Variants in CNTNAP3B observed in about 807,000 individuals in gnomAD.
The protein encoded by CNTNAP3B is contactin associated protein family member 3B, also known as contactin-associated protein-like 3B.
In CNTNAP3B, 25 loss-of-function variants were observed where a neutral mutation model predicts 108.9. The observed-to-expected ratio is 0.23, with a 90% confidence interval of 0.17 to 0.32. CNTNAP3B has a LOEUF of 0.32. CNTNAP3B is among the 10% of genes least tolerant of loss of function. The pLI is 1.00. For synonymous variants in CNTNAP3B, 103 were observed against 473.4 expected (o/e 0.22, Z 10.16); for missense variants, 252 against 1,210.4 (o/e 0.21, Z 11.75).
In CNTNAP3B at chr9:42,095,563, G is replaced by A. The variant is rs1425092073; in HGVS notation, c.196+9066C>T. 8.6e-4 allele frequency among the ~76,000 whole-genome samples: 119 copies of A among 138,222 alleles called. 18 individuals carry two copies. The highest frequency in any genetic ancestry group is 1.5e-4 in the African/African-American group (5 of 34,444). 90.7% of individuals were successfully genotyped at this position (138,222 alleles called of 152,430 possible). A position where few individuals can be genotyped will look rare whatever the true frequency, so the allele number is the denominator to read the frequency against. ...TGACAAAAGCCACTTGAGCAAATCC[G>A]TCAGAATCATTCTGCAGGTATAAAT... On this transcript the variant is annotated intron_variant, in intron 2 of 23. Coordinates refer to ENST00000377561, the MANE Select transcript of CNTNAP3B (RefSeq NM_001201380.3).
At chr9:41,944,861 A>G (rs1184828677) in intron 13 of CNTNAP3B, among the ~76,000 whole-genome samples, 3 of 152,292 alleles carry the variant, frequency 2.0e-5, no homozygotes, top group African/African-American at 7.2e-5. Flanking sequence ...AATTTTTGCA[A>G]TCTACCCATC....
rs571569213 is a variant in CNTNAP3B at position 41,961,481 on chromosome 9, C to T, written c.1757-589G>A. Among the ~76,000 whole-genome samples the T allele has an allele frequency of 2.0e-4, 30 of 152,392 alleles. No individual in the cohort carries two copies. In the East Asian group the frequency reaches 4.6e-3, roughly 24 times the overall value. ...AAACTCTATAATTAAGGAAGAAACC[C>T]TCATTCTCCCTGTAATAACTGAATA... On this transcript the variant is annotated intron_variant, in intron 11 of 23. Transcript: ENST00000377561.
rs1327417823 is a variant in CNTNAP3B at position 42,042,319 on chromosome 9, G to A, written c.391-28794C>T. The stretch of plus-strand genomic sequence containing the variant: ...TAGATAAACCTCTAGATATTAGAGA[G>A]TTGTCAATTTTCGCTCTTATAAACA... On this transcript the variant is annotated intron_variant, in intron 3 of 23. Coordinates refer to ENST00000377561, the MANE Select transcript of CNTNAP3B (RefSeq NM_001201380.3). 4.0e-5 allele frequency among the ~76,000 whole-genome samples: 5 copies of A among 124,112 alleles called. 1 individual carries two copies. The highest frequency in any genetic ancestry group is 8.5e-5 in the Non-Finnish European group (5 of 59,104). 81.4% of individuals were successfully genotyped at this position (124,112 alleles called of 152,430 possible).
At position 42,127,458 on chromosome 9, in the gene CNTNAP3B, G is replaced by C. The variant is rs1271416988; in HGVS notation, c.85+1552C>G. 1.4e-5 allele frequency among the ~76,000 whole-genome samples: 2 copies of C among 139,594 alleles called. 1 individual carries two copies. The highest frequency in any genetic ancestry group is 5.7e-5 in the African/African-American group (2 of 35,234). 91.6% of individuals were successfully genotyped at this position (139,594 alleles called of 152,430 possible). ...TCAGATTTCATTTTTCTCCAGGAAG[G>C]TCTTTTTGAAGCCCTGTTTATTCAA... is the stretch of plus-strand genomic sequence containing the variant. On this transcript the variant is annotated intron_variant, in intron 1 of 23. Transcript: ENST00000377561.
At chr9:41,954,166 G>A in intron 12 of CNTNAP3B, among the ~76,000 whole-genome samples, 1 of 152,260 alleles carries the variant, frequency 6.6e-6, no homozygotes, top group Non-Finnish European at 1.5e-5. Flanking sequence ...CCTCTAATAA[G>A]ATGTATTTAG....
intron 1 of CNTNAP3B, among the ~76,000 whole-genome samples, chr9:42,112,253 C>G (rs897504406): frequency 7.2e-6 from 1 of 139,836 alleles, no homozygotes; most frequent in Admixed American, 7.1e-5. Flanking sequence ...TTTGTCTCTG[C>G]TCTGAAGTCT....
intron 2 of CNTNAP3B, among the ~76,000 whole-genome samples, chr9:42,103,418 TAAAAAAA>T (rs1156658774): frequency 2.1e-5 from 1 of 47,720 alleles, no homozygotes; most frequent in Non-Finnish European, 3.7e-5. Context: ...AACAGGGAGT[TAAAAAAA>T]AAAAAAAAAA....
intron 2 of CNTNAP3B, among the ~76,000 whole-genome samples, chr9:42,103,212 T>A (rs1158036067): frequency 7.0e-6 from 1 of 142,688 alleles, no homozygotes; most frequent in Non-Finnish European, 1.5e-5. Flanking sequence ...AGCAATAGAA[T>A]CTAAAGTAAC....
rs547002865 is a variant in CNTNAP3B at position 42,117,097 on chromosome 9, T to C, written c.85+11913A>G. ...AATGGGAGATTTTAACACACCACTG[T>C]CAACATTAGACAGATCAACAAGACA... On this transcript the variant is annotated intron_variant, in intron 1 of 23. Coordinates refer to ENST00000377561, the MANE Select transcript of CNTNAP3B (RefSeq NM_001201380.3). 2.9e-5 allele frequency among the ~76,000 whole-genome samples: 4 copies of C among 138,464 alleles called. No individual in the cohort carries two copies. The South Asian group carries it at 9.4e-4, about 32-fold the overall frequency. 90.8% of individuals were successfully genotyped at this position (138,464 alleles called of 152,430 possible). A position where few individuals can be genotyped will look rare whatever the true frequency, so the allele number is the denominator to read the frequency against.
chr9:41,962,798 A>G (rs1825141620), intron 11 of CNTNAP3B, among the ~76,000 whole-genome samples: 1 of 152,162 alleles, frequency 6.6e-6, no homozygotes. Context: ...TACTAAAAAT[A>G]CAAAAAATTA....
intron 15 of CNTNAP3B, among the ~76,000 whole-genome samples, chr9:41,924,874 T>A (rs1302129479): frequency 6.6e-6 from 1 of 152,294 alleles, no homozygotes; most frequent in East Asian, 1.9e-4. Flanking sequence ...CTTTTTGGTA[T>A]TTTTCAGTTG....
At chr9:42,118,142 C>T (rs1481350499) in intron 1 of CNTNAP3B, among the ~76,000 whole-genome samples, 4 of 138,806 alleles carry the variant, frequency 2.9e-5, no homozygotes, top group East Asian at 2.2e-4. Flanking sequence ...TTCCAATCAA[C>T]AGAAAAAGAG....
At chr9:42,115,940 C>A (rs1391179125) in intron 1 of CNTNAP3B, among the ~76,000 whole-genome samples, 1 of 132,144 alleles carries the variant, frequency 7.6e-6, no homozygotes, top group African/African-American at 3.1e-5. Flanking sequence ...GGAGGATGTT[C>A]GAACCCGTCG....
chr9:42,077,067 T>C lies in CNTNAP3B; in HGVS notation c.197-5A>G, dbSNP rs1403959085. On this transcript the variant is annotated splice_region_variant and splice_polypyrimidine_tract_variant and intron_variant, in intron 2 of 23. Coordinates refer to ENST00000377561, the MANE Select transcript of CNTNAP3B (RefSeq NM_001201380.3). ...GTGGGGTCCAGCCACCAGCTCCTTT[T>C]TTGAAACAGAAAAAGTATAAAAATG... is the stretch of plus-strand genomic sequence containing the variant. 2 of 1,539,638 alleles carry C rather than the reference T, an allele frequency of 1.3e-6. 1 individual carries two copies.
chr9:42,035,508 T>G (rs1277922594), intron 3 of CNTNAP3B, among the ~76,000 whole-genome samples: 1 of 146,744 alleles, frequency 6.8e-6, no homozygotes, highest in African/African-American at 2.6e-5. Context: ...TCACTAAAGG[T>G]GGGACTTTGG....
chr9:41,940,228 C>G (rs1234340594), intron 13 of CNTNAP3B, among the ~76,000 whole-genome samples: 1 of 152,296 alleles, frequency 6.6e-6, no homozygotes, highest in Non-Finnish European at 1.5e-5. Context: ...GTGAAAGATA[C>G]AAACCCACAG....
At chr9:41,917,063 G>A (rs1171827373) in intron 18 of CNTNAP3B, among the ~76,000 whole-genome samples, 455 of 151,168 alleles carry the variant, frequency 3.0e-3, no homozygotes, top group Non-Finnish European at 5.0e-3. Context: ...CTGTATCTTA[G>A]ATTAATGATT....
chr9:41,965,367 C>T (rs1430088186), intron 10 of CNTNAP3B, among the ~76,000 whole-genome samples: 9 of 151,606 alleles, frequency 5.9e-5, no homozygotes, highest in Admixed American at 3.9e-4. Flanking sequence ...AATCTGCTGC[C>T]GCCCACTATA....
intron 1 of CNTNAP3B, among the ~76,000 whole-genome samples, chr9:42,105,760 G>C (rs62558879): frequency 0.33 from 21,196 of 64,574 alleles, 2,507 homozygotes; most frequent in East Asian, 0.56. Flanking sequence ...CATATATTTT[G>C]TCATAAAAAG....
Sources: allele counts gnomAD v4.1 joint callset (sites outside exome capture counted in the v4.1 genomes callset), GRCh38; gene constraint gnomAD v4.1.1; transcripts MANE v1.5; gene names NCBI Gene and HGNC (gene_info 2026-07-23, HGNC 2026-07-21).